Variants in CACNB1 observed in about 807,000 individuals in gnomAD.
CACNB1 encodes the protein calcium voltage-gated channel auxiliary subunit beta 1.
In CACNB1, 29 loss-of-function variants were observed where a neutral mutation model predicts 71.6. That is an observed-to-expected ratio of 0.40 (90% confidence interval 0.30 to 0.55). The LOEUF (loss-of-function observed/expected upper bound fraction) is 0.55. Among genes scored for constraint, CACNB1 ranks in the 20% least tolerant of loss-of-function variants. The probability of loss-of-function intolerance (pLI) is 0.38; values close to 1 mark genes in which losing one functional copy is unlikely to be tolerated. For missense variants in CACNB1, 623 were observed against 801.8 expected, an observed-to-expected ratio of 0.78 and a Z score of 2.69; for synonymous variants, 300 against 319.6, an observed-to-expected ratio of 0.94 and a Z score of 0.65.
intron 1 of CACNB1, chr17:39,195,248 A>AG (rs931512487): frequency 2.6e-5 from 9 of 351,826 alleles, no homozygotes; most frequent in Non-Finnish European, 4.6e-5. Context: ...GAGGCTGGGA[A>AG]GGGGGGAGGC....
rs1208314244 is a variant in CACNB1, at chr17:39,186,664, C to T, written c.552-92G>A. On this transcript the variant is annotated intron_variant, in intron 5 of 13. Transcript: ENST00000394303. The surrounding 1 kb of genome is among the most constrained non-coding windows in gnomAD (Gnocchi z 4.1). The stretch of plus-strand genomic sequence containing the variant: ...ACATGCGGCACCCCCGGAGGTGCTC[C>T]AGCCCCACTGGTGATGCCACAGGCA... 4 of 1,508,090 alleles carry T rather than the reference C, an allele frequency of 2.7e-6. No homozygotes were observed. The highest frequency in any genetic ancestry group is 3.7e-6 in the Non-Finnish European group (4 of 1,093,218). 93.4% of individuals were successfully genotyped at this position (1,508,090 alleles called of 1,614,324 possible). A position where few individuals can be genotyped will look rare whatever the true frequency, so the allele number is the denominator to read the frequency against.
At chr17:39,190,475 C>T (rs905988066) in intron 3 of CACNB1, among the ~76,000 whole-genome samples, 23 of 152,074 alleles carry the variant, frequency 1.5e-4, no homozygotes, top group Middle Eastern at 3.4e-3. Flanking sequence ...TCACCCAGGC[C>T]GGAGTGCAGT....
chr17:39,195,250 G>T (rs561152831), intron 1 of CACNB1: 14 of 347,822 alleles, frequency 4.0e-5, no homozygotes, highest in Admixed American at 2.3e-4. Context: ...GGCTGGGAAG[G>T]GGGGAGGCGC....
chr17:39,176,310 G>A (rs1017973098), intron 13 of CACNB1, among the ~76,000 whole-genome samples: 5 of 152,170 alleles, frequency 3.3e-5, no homozygotes, highest in East Asian at 1.9e-4. Flanking sequence ...CAAATGTCAC[G>A]TGGAGGTGGG....
chr17:39,187,135 C>T (rs1179840906), intron 4 of CACNB1: 1 of 613,798 alleles, frequency 1.6e-6, no homozygotes. Context: ...TGGCCATGGA[C>T]CACCCTGCCA....
At chr17:39,177,596 G>C in intron 12 of CACNB1, 61 bp from the exon 13 acceptor site, 1 of 1,398,382 alleles carries the variant, frequency 7.2e-7, no homozygotes, top group South Asian at 1.3e-5. Flanking sequence ...AGGGGGTTGA[G>C]GGTGTGGCCT....
Position 39,175,532 on chromosome 17 carries a change from G to A in CACNB1, c.1458C>T (p.Gly486=). 1.2e-6 allele frequency: 2 copies of A among 1,613,822 alleles called. No homozygotes were observed. The highest frequency in any genetic ancestry group is 1.7e-6 in the Non-Finnish European group (2 of 1,179,978). The change falls in exon 14 of 14, where the codon GGC becomes GGT. Residue 486 remains glycine (G), a synonymous_variant. Coordinates refer to ENST00000394303, the MANE Select transcript of CACNB1 (RefSeq NM_000723.5). The surrounding 1 kb of genome is among the most constrained non-coding windows in gnomAD (Gnocchi z 4.7). ...PGLYPSSHPP[G]RAGTLRALSR... ...ACAGTGCCCGTAGCGTGCCTGCCCG[G>A]CCTGGTGGGTGGCTGCTGGGGTAAA...
At chr17:39,179,512 C>T (rs1283548417) in intron 11 of CACNB1, among the ~76,000 whole-genome samples, 2 of 148,314 alleles carry the variant, frequency 1.3e-5, no homozygotes, top group African/African-American at 2.5e-5. Flanking sequence ...ACCTGGGAGG[C>T]GGAGCTTGCA....
At chr17:39,180,421 G>A (rs2045723095) in intron 11 of CACNB1, among the ~76,000 whole-genome samples, 1 of 152,078 alleles carries the variant, frequency 6.6e-6, no homozygotes, top group African/African-American at 2.4e-5. Flanking sequence ...TTGGGAGGCT[G>A]AGACAGGTGG....
intron 1 of CACNB1, 41 bp downstream of exon 1, chr17:39,197,371 G>A: frequency 1.1e-5 from 15 of 1,348,314 alleles, no homozygotes; most frequent in Non-Finnish European, 1.5e-5. Flanking sequence ...ACGGTCCGCG[G>A]GAGCGACCCC....
At position 39,175,340 on chromosome 17, in the gene CACNB1, G is replaced by A; in HGVS notation, c.1650C>T (p.Asp550=). 6.2e-7 allele frequency: 1 copy of A among 1,614,100 alleles called. No individual in the cohort carries two copies. The highest frequency in any genetic ancestry group is 1.3e-5 in the African/African-American group (1 of 75,042). ...TPPARQGSWE[D]EEEDYEEELT... ...GCTCTTCCTCATAGTCTTCTTCCTC[G>A]TCCTCCCAGGATCCCTGTCGGGCTG... is the stretch of plus-strand genomic sequence containing the variant. The change falls in exon 14 of 14, where the codon GAC becomes GAT. Residue 550 remains aspartate (D), a synonymous_variant. Transcript: ENST00000394303. This position sits in a 1 kb window ranked among gnomAD's most constrained non-coding sequence, Gnocchi z 4.7.
chr17:39,181,244 C>T (rs968203774), intron 11 of CACNB1, among the ~76,000 whole-genome samples: 4 of 152,076 alleles, frequency 2.6e-5, no homozygotes, highest in African/African-American at 4.8e-5. Flanking sequence ...CAGGTGCCCA[C>T]CACCATGCGC....
chr17:39,181,003 C>A (rs1000349304), intron 11 of CACNB1, among the ~76,000 whole-genome samples: 6 of 152,332 alleles, frequency 3.9e-5, no homozygotes, highest in Admixed American at 2.0e-4. Flanking sequence ...TCTTGCCACA[C>A]TTCTGTAAAT....
intron 6 of CACNB1, chr17:39,185,893 C>T: frequency 1.3e-6 from 2 of 1,564,902 alleles, no homozygotes; most frequent in Non-Finnish European, 1.7e-6. Context: ...CCCCTTCCCT[C>T]CACCAAAGTG....
intron 3 of CACNB1, among the ~76,000 whole-genome samples, chr17:39,190,422 A>G (rs1237051874): frequency 6.6e-6 from 1 of 152,012 alleles, no homozygotes; most frequent in Non-Finnish European, 1.5e-5. Flanking sequence ...TAAATATTTA[A>G]ATTTATTTAT....
Position 39,186,858 on chromosome 17 carries a change from G to A in CACNB1, c.486C>T (p.Pro162=), listed in dbSNP as rs749339991. 43 of 1,613,968 alleles carry A rather than the reference G, an allele frequency of 2.7e-5. No individual in the cohort carries two copies. In the East Asian group the frequency reaches 4.2e-4, roughly 16 times the overall value. Residue 162 remains proline (P), a synonymous_variant, in exon 5 of 14, where the codon CCC becomes CCT. Coordinates refer to ENST00000394303, the MANE Select transcript of CACNB1 (RefSeq NM_000723.5). The surrounding 1 kb of genome is among the most constrained non-coding windows in gnomAD (Gnocchi z 4.1). The part of the protein sequence containing the change: ...EGCEVGFIPS[P]VKLDSLRLLQ... ...GCAGGCGAAGGCTGTCCAGTTTGAC[G>A]GGGCTGGGAATGAAGCCAACCTCAC...
intron 11 of CACNB1, among the ~76,000 whole-genome samples, chr17:39,179,302 AAG>A (rs2045681589): frequency 3.4e-5 from 5 of 148,842 alleles, no homozygotes; most frequent in African/African-American, 1.2e-4. Context: ...AAAAAAAAAA[AAG>A]AGGGCCGGGT....
At position 39,186,884 on chromosome 17, in the gene CACNB1, A is replaced by G. The variant is rs770970217; in HGVS notation, c.460T>C (p.Cys154Arg). 6.2e-7 allele frequency: 1 copy of G among 1,614,014 alleles called. No individual in the cohort carries two copies. Among genetic ancestry groups the G allele is most frequent in the Non-Finnish European group, 8.5e-7 (1 of 1,179,976 alleles). ...WWIGRLVKEGCEVGFIPSPVK... is the reference protein window; with the variant it reads ...WWIGRLVKEGREVGFIPSPVK... ...GGGCTGGGAATGAAGCCAACCTCAC[A>G]GCCCTCCTTCACCAGCCGCCCGATC... is the stretch of plus-strand genomic sequence containing the variant. The change falls in exon 5 of 14, where the codon TGT (cysteine) becomes CGT (arginine). Residue 154 changes from cysteine to arginine, a missense_variant. Physicochemically the swap from Cys to Arg is radical, Grantham distance 180 (BLOSUM62 -3). Transcript: ENST00000394303. The surrounding 1 kb of genome is among the most constrained non-coding windows in gnomAD (Gnocchi z 4.1).
chr17:39,185,286 T>C (rs1345138549), intron 6 of CACNB1, 136 bp from the exon 7 acceptor site: 2 of 734,566 alleles, frequency 2.7e-6, no homozygotes, highest in Non-Finnish European at 5.0e-6. Flanking sequence ...TAACAGGGCA[T>C]GCGTGTTAGT....
Sources: gnomAD v4.1 joint callset for allele counts (sites outside exome capture counted in the v4.1 genomes callset) on GRCh38, gnomAD v4.1.1 for gene constraint, Gnocchi (gnomAD v3.1) non-coding constraint, MANE v1.5 for transcripts, NCBI Gene and HGNC (gene_info 2026-07-23, HGNC 2026-07-21) for gene names.